The following PDZD2 variants were observed in gnomAD, a reference collection of about 807,000 sequenced individuals.
PDZD2 encodes PDZ domain-containing protein 2.
In PDZD2, 90 loss-of-function variants were observed where a neutral mutation model predicts 220.7. The ratio of observed to expected loss-of-function variants is 0.41; its 90% CI spans 0.34 to 0.49. PDZD2 has a LOEUF of 0.49. PDZD2 is among the 20% of genes least tolerant of loss of function. The pLI is 0.28. For missense variants in PDZD2, 3,174 were observed against 3,608.5 expected (o/e 0.88, Z 3.08); for synonymous variants, 1,375 against 1,450.5 (o/e 0.95, Z 1.18).
chr5:31,736,366 T>C (rs755973736), intron 1 of PDZD2, among the ~76,000 whole-genome samples: 23 of 152,210 alleles, frequency 1.5e-4, no homozygotes, highest in Non-Finnish European at 2.8e-4. Flanking sequence ...TAAGGACCTG[T>C]TGGCTTGACC....
At chr5:31,789,926 C>CA (rs975363532) in intron 1 of PDZD2, among the ~76,000 whole-genome samples, 9 of 151,132 alleles carry the variant, frequency 6.0e-5, no homozygotes, top group South Asian at 2.1e-4. Flanking sequence ...CTCCAAACAA[C>CA]AAAAAAAAAT....
At chr5:31,958,618 A>C (rs770329506) in intron 2 of PDZD2, among the ~76,000 whole-genome samples, 5 of 151,434 alleles carry the variant, frequency 3.3e-5, no homozygotes, top group Non-Finnish European at 7.4e-5. Flanking sequence ...GACAAGTTTT[A>C]AAGTACTCCA....
intron 2 of PDZD2, chr5:31,847,669 G>C (rs777148594): frequency 8.2e-6 from 5 of 611,362 alleles, no homozygotes; most frequent in Non-Finnish European, 1.6e-5. Flanking sequence ...GGAAAGCATT[G>C]ATGGCCAGCC....
intron 1 of PDZD2, among the ~76,000 whole-genome samples, chr5:31,642,924 C>T (rs1048858829): frequency 6.6e-6 from 1 of 152,112 alleles, no homozygotes; most frequent in Admixed American, 6.5e-5. Flanking sequence ...TGGAGGCAGC[C>T]AGGAGGGAAA....
intron 2 of PDZD2, among the ~76,000 whole-genome samples, chr5:31,941,183 A>C (rs1486743575): frequency 6.6e-6 from 1 of 152,144 alleles, no homozygotes; most frequent in African/African-American, 2.4e-5. Context: ...CTTTGGCAAA[A>C]GTGTTCATAT....
chr5:31,781,389 G>C lies in PDZD2; in HGVS notation c.-360-17500G>C, dbSNP rs1168068274. On this transcript the variant is annotated intron_variant, in intron 1 of 24. Coordinates refer to ENST00000438447, the MANE Select transcript of PDZD2 (RefSeq NM_178140.4). Reference sequence around the variant, plus strand: ...AGATTGTGCCACTGCACTCCAGCCTGGGCGACAGAGCCAGACTCCATCTCA... The same window carrying C: ...AGATTGTGCCACTGCACTCCAGCCTCGGCGACAGAGCCAGACTCCATCTCA... 2.0e-5 allele frequency among the ~76,000 whole-genome samples: 3 copies of C among 152,186 alleles called. No homozygotes were observed. In the East Asian group the frequency reaches 5.8e-4, roughly 29 times the overall value.
chr5:32,040,476 C>T (rs181882111), intron 7 of PDZD2, among the ~76,000 whole-genome samples: 323 of 149,912 alleles, frequency 2.2e-3, no homozygotes, highest in African/African-American at 7.4e-3. Context: ...TCTGCCCTGC[C>T]GCCCCATCTG....
chr5:32,036,758 GA>G (rs1175112105), intron 6 of PDZD2, among the ~76,000 whole-genome samples: 2 of 152,240 alleles, frequency 1.3e-5, no homozygotes, highest in Non-Finnish European at 2.9e-5. Flanking sequence ...CTGTATTTTA[GA>G]AACCTTAGAA....
Position 31,883,592 on chromosome 5 carries a change from C to T in PDZD2, c.476+83868C>T, listed in dbSNP as rs140065791. ...AAGTTGCTGAGTTTTGTTTTCAGAT[C>T]AAATTTGAATTAACCAATCCTCTGT... On this transcript the variant is annotated intron_variant, in intron 2 of 24. Transcript: ENST00000438447. Among the ~76,000 whole-genome samples the T allele has an allele frequency of 1.8e-3, 273 of 147,936 alleles. 5 individuals are homozygous for T. The East Asian group carries it at 0.04, about 22-fold the overall frequency.
chr5:31,764,615 A>G (rs919506260), intron 1 of PDZD2, among the ~76,000 whole-genome samples: 1 of 152,232 alleles, frequency 6.6e-6, no homozygotes, highest in Admixed American at 6.5e-5. Context: ...CCTCCCTGAA[A>G]AAAAGTTTTC....
intron 1 of PDZD2, among the ~76,000 whole-genome samples, chr5:31,788,726 C>A (rs1753531215): frequency 6.6e-6 from 1 of 152,110 alleles, no homozygotes; most frequent in South Asian, 2.1e-4. Context: ...CCTAAGCTGA[C>A]TTAAGGGAGT....
intron 2 of PDZD2, among the ~76,000 whole-genome samples, chr5:31,875,571 G>A (rs1413823580): frequency 1.4e-5 from 2 of 145,098 alleles, no homozygotes; most frequent in African/African-American, 5.2e-5. Flanking sequence ...AGGTGACAGA[G>A]TGAGACCCTG....
At chr5:31,914,903 A>T (rs2150372600) in intron 2 of PDZD2, among the ~76,000 whole-genome samples, 1 of 152,330 alleles carries the variant, frequency 6.6e-6, no homozygotes, top group East Asian at 1.9e-4. Flanking sequence ...TGGAGGTAGC[A>T]TGAAATATTT....
At chr5:31,960,674 C>CT (rs963530181) in intron 2 of PDZD2, among the ~76,000 whole-genome samples, 6 of 152,174 alleles carry the variant, frequency 3.9e-5, no homozygotes, top group African/African-American at 1.4e-4. Flanking sequence ...TAAGGAAAAC[C>CT]TTGCTATCCA....
intron 1 of PDZD2, among the ~76,000 whole-genome samples, chr5:31,765,890 G>A (rs1561441995): frequency 1.3e-5 from 2 of 152,306 alleles, no homozygotes; most frequent in South Asian, 2.1e-4. Flanking sequence ...AAGATTCTGA[G>A]ACCAGGCGTG....
rs369858348 is a variant in PDZD2, at chr5:32,074,296, G to A, written c.3190G>A (p.Glu1064Lys). The change falls in exon 18 of 25, where the codon GAG becomes AAG. Residue 1064 changes from glutamate (E) to lysine (K), a missense_variant. Physicochemically the swap from Glu to Lys is moderately conservative, Grantham distance 56 (BLOSUM62 1). This residue lies in a region of PDZD2 where 1,861 missense variants were observed against 2,001.0 expected (regional missense o/e 0.93). Transcript: ENST00000438447. ...TGCAGCCAACCTCACGGACTCTGCAGAGGCCCCCAAGGGGAGCCCTGGAAG... is the reference window on the plus strand; with the variant it reads ...TGCAGCCAACCTCACGGACTCTGCAAAGGCCCCCAAGGGGAGCCCTGGAAG... The part of the protein sequence containing the change: ...SYAANLTDSA[E>K]APKGSPGSWW... The A allele has an allele frequency of 6.2e-7, 1 of 1,614,188 alleles. No homozygotes were observed. The highest frequency in any genetic ancestry group is 8.5e-7 in the Non-Finnish European group (1 of 1,180,012).
At chr5:31,753,624 C>T (rs75098188) in intron 1 of PDZD2, among the ~76,000 whole-genome samples, 4,426 of 82,076 alleles carry the variant, frequency 0.054, 158 homozygotes, top group East Asian at 0.21. Flanking sequence ...AATAAACAAA[C>T]AAACAAACAA....
In PDZD2 at chr5:31,646,574, A is replaced by G. The variant is rs1745144220; in HGVS notation, c.-361+7137A>G. Among the ~76,000 whole-genome samples, 1 of 152,102 alleles carries G rather than the reference A, an allele frequency of 6.6e-6. No individual in the cohort carries two copies. The highest frequency in any genetic ancestry group is 1.5e-5 in the Non-Finnish European group (1 of 68,012). On this transcript the variant is annotated intron_variant, in intron 1 of 24. Transcript: ENST00000438447. This position sits in a 1 kb window ranked among gnomAD's most constrained non-coding sequence, Gnocchi z 4.7. ...GGACACTTATAAAATGTCTGATTTC[A>G]GCTGTGTTTTCAGTTGAACACCCCC...
At chr5:31,892,952 A>G (rs1001355039) in intron 2 of PDZD2, among the ~76,000 whole-genome samples, 4 of 152,198 alleles carry the variant, frequency 2.6e-5, no homozygotes, top group African/African-American at 9.6e-5. Context: ...ATGGGTGCTG[A>G]AACAGGTGTG....
Sources: gnomAD v4.1 joint callset for allele counts (sites outside exome capture counted in the v4.1 genomes callset) on GRCh38, gnomAD v4.1.1 for gene constraint, gnomAD v4.1.1 regional missense constraint, Gnocchi (gnomAD v3.1) non-coding constraint, MANE v1.5 for transcripts, NCBI Gene and HGNC (gene_info 2026-07-23, HGNC 2026-07-21) for gene names.